ZP4: variants seen among roughly 807,000 people sequenced by gnomAD.
ZP4 encodes zona pellucida glycoprotein 4, also known as zona pellucida sperm-binding protein 4.
Under a neutral mutation model 62.3 loss-of-function variants are expected in ZP4, and 62 were observed. The observed-to-expected ratio is 0.99, with a 90% CI of 0.81 to 1.23. ZP4 has a LOEUF of 1.23. Among genes scored for constraint, ZP4 ranks in the 50% most tolerant of loss-of-function variants. The pLI is 0.00. For synonymous variants in ZP4, 289 were observed against 247.3 expected (o/e 1.17, Z -1.58); for missense variants, 774 against 656.0 (o/e 1.18, Z -1.97).
chr1:237,883,726 G>GAAGAGAGAGAAAGA (rs1558530140), intron 10 of ZP4, among the ~76,000 whole-genome samples: 1 of 16,228 alleles, frequency 6.2e-5, no homozygotes, highest in Non-Finnish European at 1.1e-4. Flanking sequence ...GGGGAGGGCG[G>GAAGAGAGAGAAAGA]GGGAGGGAGA....
intron 6 of ZP4, among the ~76,000 whole-genome samples, chr1:237,886,465 T>C (rs1348346634): frequency 6.6e-6 from 1 of 152,028 alleles, no homozygotes; most frequent in African/African-American, 2.4e-5. Context: ...GGCTACAGCA[T>C]GGACAGTGGA....
At chr1:237,889,312 T>C (rs1434274350) in intron 3 of ZP4, among the ~76,000 whole-genome samples, 2 of 141,506 alleles carry the variant, frequency 1.4e-5, no homozygotes, top group African/African-American at 6.0e-5. Flanking sequence ...AGAGATAGGT[T>C]GTATTTTTTT....
At chr1:237,888,295 C>G in intron 4 of ZP4, 63 bp downstream of exon 4, 3 of 1,453,340 alleles carry the variant, frequency 2.1e-6, no homozygotes, top group Non-Finnish European at 2.8e-6. Flanking sequence ...AAACCCCTCT[C>G]TGGGTTTCAT....
At chr1:237,882,655 A>G in intron 11 of ZP4, 87 bp downstream of exon 11, 1 of 1,577,394 alleles carries the variant, frequency 6.3e-7, no homozygotes, top group Non-Finnish European at 8.6e-7. Flanking sequence ...ATTTCTTTTG[A>G]CTAGAACAAG....
rs1333911632 is a variant in ZP4 at position 237,885,594 on chromosome 1, A to G, written c.971-14T>C. ...CATAGTTTTTATCTGCAAGAGGCAG[A>G]AATAAGGATTTGAAGTAGTAATCTC... is the stretch of plus-strand genomic sequence containing the variant. On this transcript the variant is annotated splice_polypyrimidine_tract_variant and intron_variant, in intron 7 of 11. Transcript: ENST00000366570. 1 of 1,611,196 alleles carries G rather than the reference A, an allele frequency of 6.2e-7. No homozygotes were observed. Among genetic ancestry groups the G allele is most frequent in the South Asian group, 1.1e-5 (1 of 90,512 alleles).
chr1:237,882,584 C>A, intron 11 of ZP4, 35 bp from the exon 12 acceptor site: 1 of 1,579,536 alleles, frequency 6.3e-7, no homozygotes, highest in South Asian at 1.1e-5. Flanking sequence ...TTAATGTATG[C>A]TAAAACCAAG....
chr1:237,884,842 A>G lies in ZP4; in HGVS notation c.1317T>C (p.His439=). 1 of 1,613,268 alleles carries G rather than the reference A, an allele frequency of 6.2e-7. No homozygotes were observed. Among genetic ancestry groups the G allele is most frequent in the African/African-American group, 1.3e-5 (1 of 75,056 alleles). The change falls in exon 10 of 12, where the codon CAT becomes CAC. Residue 439 remains histidine, a synonymous_variant. Transcript: ENST00000366570. ...GGCAGACTGACACGCTGCAGTGCAGATGCACCTGGGAGCCAACAGAATTCA... is the reference window on the plus strand; with the variant it reads ...GGCAGACTGACACGCTGCAGTGCAGGTGCACCTGGGAGCCAACAGAATTCA... ...VEKQALRGPV[H]LHCSVSVCQP... is the part of the protein sequence containing the mutation.
Position 237,884,781 on chromosome 1 carries a change from G to A in ZP4, c.1378C>T (p.Pro460Ser). 1 of 1,613,638 alleles carries A rather than the reference G, an allele frequency of 6.2e-7. No homozygotes were observed. The highest frequency in any genetic ancestry group is 8.5e-7 in the Non-Finnish European group (1 of 1,179,860). ...CTTGGTTACTCACGACTGAGATCAG[G>A]ACAGGTCACCACACAGGATGGTGTC... ...AETPSCVVTC[P>S]DLSRRRNFDN... is the part of the protein sequence containing the mutation. Residue 460 changes from proline to serine, a missense_variant, in exon 10 of 12, where the codon CCT becomes TCT. Transcript: ENST00000366570.
At chr1:237,884,043 A>ACACAAAC (rs1558531257) in intron 10 of ZP4, among the ~76,000 whole-genome samples, 3 of 104,822 alleles carry the variant, frequency 2.9e-5, no homozygotes, top group African/African-American at 1.7e-4. Context: ...AACACACACA[A>ACACAAAC]ACACACACAA....
In ZP4 at chr1:237,886,867, A is replaced by T; in HGVS notation, c.743T>A (p.Ile248Asn). Residue 248 changes from isoleucine (I) to asparagine (N), a missense_variant and splice_region_variant, in exon 6 of 12, where the codon ATC becomes AAC. Ile to Asn is a moderately radical substitution (Grantham distance 149, BLOSUM62 -3). Coordinates refer to ENST00000366570, the MANE Select transcript of ZP4 (RefSeq NM_021186.5). ...TTCATATACTGCTCGGTCTCCAGTG[A>T]TCTACAGGAATAGATGGAGAAGTCT... ...PFTSCGTTRQITGDRAVYENE... is the reference protein window; with the variant it reads ...PFTSCGTTRQNTGDRAVYENE... 1 of 1,612,856 alleles carries T rather than the reference A, an allele frequency of 6.2e-7. No homozygotes were observed. Among genetic ancestry groups the T allele is most frequent in the Non-Finnish European group, 8.5e-7 (1 of 1,179,018 alleles).
chr1:237,886,529 C>A (rs538186583), intron 6 of ZP4, among the ~76,000 whole-genome samples: 1 of 151,962 alleles, frequency 6.6e-6, no homozygotes, highest in East Asian at 1.9e-4. Context: ...ATGGAGAAGG[C>A]CAAAATGAGA....
At chr1:237,884,023 C>CACACACACACACACACACACAA (rs1558531132) in intron 10 of ZP4, among the ~76,000 whole-genome samples, 2 of 65,226 alleles carry the variant, frequency 3.1e-5, no homozygotes, top group African/African-American at 1.1e-4. Context: ...CACAAACACA[C>CACACACACACACACACACACAA]ACACACACAA....
intron 3 of ZP4, among the ~76,000 whole-genome samples, chr1:237,888,859 C>T (rs1665171273): frequency 6.6e-6 from 1 of 152,158 alleles, no homozygotes; most frequent in Non-Finnish European, 1.5e-5. Context: ...TATGAGTTAT[C>T]TGAAGATTGT....
intron 3 of ZP4, among the ~76,000 whole-genome samples, chr1:237,889,040 A>C (rs968677754): frequency 6.6e-6 from 1 of 152,164 alleles, no homozygotes; most frequent in South Asian, 2.1e-4. Context: ...GAGACTTTCT[A>C]AAGTTGAGTA....
chr1:237,888,212 A>G, intron 4 of ZP4, 146 bp downstream of exon 4: 1 of 709,004 alleles, frequency 1.4e-6, no homozygotes, highest in Non-Finnish European at 2.1e-6. Flanking sequence ...GAAGTCTGTT[A>G]CATTGGGATC....
In ZP4 at chr1:237,887,541, C is replaced by T; in HGVS notation, c.574G>A (p.Glu192Lys). ...GACACAGCAATAGAGAAATGGCCCT[C>T]TCGGGTACAATGCAAGGTCACTGAA... ...GNTVTLHCTR[E>K]GHFSIAVSRN... is the part of the protein sequence containing the mutation. The change falls in exon 5 of 12, where the codon GAG (glutamate) becomes AAG (lysine). Residue 192 changes from glutamate to lysine, a missense_variant. Transcript: ENST00000366570. 6.2e-7 allele frequency: 1 copy of T among 1,614,032 alleles called. No homozygotes were observed. The highest frequency in any genetic ancestry group is 2.2e-5 in the East Asian group (1 of 44,846).
At chr1:237,883,773 A>G (rs12737772) in intron 10 of ZP4, among the ~76,000 whole-genome samples, 2,321 of 61,082 alleles carry the variant, frequency 0.038, 37 homozygotes, top group East Asian at 0.074. Flanking sequence ...GAGAGAGAGG[A>G]AGAGAGAGGA....
intron 4 of ZP4, 92 bp downstream of exon 4, chr1:237,888,266 T>C: frequency 7.3e-7 from 1 of 1,369,410 alleles, no homozygotes; most frequent in Non-Finnish European, 9.7e-7. Flanking sequence ...TGCTATCACT[T>C]GATGTTTGCC....
At position 237,890,687 on chromosome 1, in the gene ZP4, G is replaced by A. The variant is rs750424816; in HGVS notation, c.-52C>T. 10 of 1,571,804 alleles carry A rather than the reference G, an allele frequency of 6.4e-6. No homozygotes were observed. The highest frequency in any genetic ancestry group is 1.8e-5 in the Admixed American group (1 of 55,004). On this transcript the variant is annotated 5_prime_UTR_variant, in exon 1 of 12. Transcript: ENST00000366570. ...GCAGACTCTCCGCCTCCTCTCCCAA[G>A]AGCCGAGGGTCTGCCTGCCCAGATT... is the stretch of plus-strand genomic sequence containing the variant.
Sources: gnomAD v4.1 joint callset for allele counts (sites outside exome capture counted in the v4.1 genomes callset) on GRCh38, gnomAD v4.1.1 for gene constraint, MANE v1.5 for transcripts, NCBI Gene and HGNC (gene_info 2026-07-23, HGNC 2026-07-21) for gene names.